The following FBXL16 variants were observed in gnomAD, a reference collection of about 807,000 sequenced individuals.
FBXL16 encodes the protein F-box/LRR-repeat protein 16.
FBXL16 carries 7 observed loss-of-function variants against 36.7 expected under a neutral mutation model. The observed-to-expected ratio is 0.19, with a 90% CI of 0.11 to 0.36. The LOEUF is 0.36. FBXL16 is among the 10% of genes least tolerant of loss of function. The pLI, the probability that FBXL16 is intolerant of heterozygous loss-of-function variation, is 1.00. For missense variants in FBXL16, 463 were observed against 659.4 expected (o/e 0.70, Z 3.26); for synonymous variants, 355 against 308.7 (o/e 1.15, Z -1.57).
chr16:694,824 GGCTGGGAAGTGCTCGTGGGGGCC>G, intron 4 of FBXL16, 127 bp from the exon 5 acceptor site: 1 of 1,293,866 alleles, frequency 7.7e-7, no homozygotes, highest in Non-Finnish European at 1.1e-6. Flanking sequence ...GCCGGGAGGC[GGCTGGGAAGTGCTCGTGGGGGCC>G]GCCGGGACCC....
chr16:695,894 C>T lies in FBXL16; in HGVS notation c.663G>A (p.Val221=), dbSNP rs775511332. ...CGTTGCAGCCCGACAGCTCCAGACG[C>T]ACCACGCCCTGCATCTGTTCAAGCA... ...EVMLEQMQGV[V]RLELSGCNDF... is the part of the protein sequence containing the mutation. Residue 221 remains valine, a synonymous_variant, in exon 3 of 6, where the codon GTG becomes GTA. Coordinates refer to ENST00000397621, the MANE Select transcript of FBXL16 (RefSeq NM_153350.4). 6.9e-6 allele frequency: 11 copies of T among 1,596,716 alleles called. No homozygotes were observed. In the East Asian group the frequency reaches 1.8e-4, roughly 26 times the overall value.
In FBXL16 at chr16:697,052, G is replaced by A; in HGVS notation, c.354C>T (p.Ala118=). ...CGCGCCGCCAGGCCTTGCACACCTGGGCCAGCACACACTTCTCGCAGGCCG... is the reference window on the plus strand; with the variant it reads ...CGCGCCGCCAGGCCTTGCACACCTGAGCCAGCACACACTTCTCGCAGGCCG... ...YFSACEKCVL[A]QVCKAWRRVL... is the part of the protein sequence containing the mutation. Residue 118 remains alanine, a synonymous_variant, in exon 2 of 6, where the codon GCC becomes GCT. Transcript: ENST00000397621. The surrounding 1 kb of genome is among the most constrained non-coding windows in gnomAD (Gnocchi z 4.6). 6.2e-7 allele frequency: 1 copy of A among 1,603,164 alleles called. No individual in the cohort carries two copies. The highest frequency in any genetic ancestry group is 8.5e-7 in the Non-Finnish European group (1 of 1,174,838).
rs954595932 is a variant in FBXL16 at position 694,103 on chromosome 16, G to A, written c.*172C>T. ...CTGCCCGGGGCGGGGCTGGGAGGGC[G>A]GAGGGACCGAAGGTCGGGGAGGGGC... On this transcript the variant is annotated 3_prime_UTR_variant, in exon 6 of 6. Transcript: ENST00000397621. 6.7e-5 allele frequency: 22 copies of A among 330,176 alleles called. No individual in the cohort carries two copies. Among genetic ancestry groups the A allele is most frequent in the African/African-American group, 4.6e-4 (21 of 45,658 alleles). 20.5% of individuals were successfully genotyped at this position (330,176 alleles called of 1,614,324 possible).
Position 694,180 on chromosome 16 carries a change from C to T in FBXL16, c.*95G>A, listed in dbSNP as rs1482714174. 5.4e-6 allele frequency: 5 copies of T among 917,778 alleles called. No individual in the cohort carries two copies. Among genetic ancestry groups the T allele is most frequent in the Non-Finnish European group, 7.1e-6 (5 of 701,974 alleles). 56.9% of individuals were successfully genotyped at this position (917,778 alleles called of 1,614,324 possible). On this transcript the variant is annotated 3_prime_UTR_variant, in exon 6 of 6. Transcript: ENST00000397621. ...CGCTGGGCCGGGGGCGCGGGGGCTC[C>T]CCCGAGCGCAAGGCGGGAAGAGGGG...
rs1469294136 is a variant in FBXL16, at chr16:695,042, G to A, written c.1177C>T (p.Leu393=). 3.1e-6 allele frequency: 5 copies of A among 1,592,412 alleles called. No individual in the cohort carries two copies. The highest frequency in any genetic ancestry group is 4.3e-6 in the Non-Finnish European group (5 of 1,166,892). The change falls in exon 4 of 6, where the codon CTG becomes TTG. Residue 393 remains leucine, a synonymous_variant. Transcript: ENST00000397621. ...CTGCGGAGGGACGACATGGTGGACA[G>A]ATAGCTGAGGCCAGTGTCCGTGATG... The part of the protein sequence containing the change: ...VRITDTGLSY[L]STMSSLRSLY...
intron 3 of FBXL16, 153 bp downstream of exon 3, chr16:695,262 C>G: frequency 8.5e-7 from 1 of 1,172,282 alleles, no homozygotes; most frequent in Admixed American, 2.8e-5. Context: ...TTCTGCGGTT[C>G]CCACTCCCCA....
At chr16:698,925 A>G (rs2040035969) in intron 1 of FBXL16, among the ~76,000 whole-genome samples, 1 of 137,452 alleles carries the variant, frequency 7.3e-6, no homozygotes, top group Non-Finnish European at 1.6e-5. Context: ...AAAAAAAAAA[A>G]AAAAAAAGAA....
rs549734833 is a variant in FBXL16, at chr16:698,069, T to G, written c.-14-650A>C. Among the ~76,000 whole-genome samples, 489 of 152,002 alleles carry G rather than the reference T, an allele frequency of 3.2e-3. 4 individuals carry two copies. Among genetic ancestry groups the G allele is most frequent in the Non-Finnish European group, 5.6e-3 (384 of 67,990 alleles). On this transcript the variant is annotated intron_variant, in intron 1 of 5. Transcript: ENST00000397621. ...CAGACTGGAGTGCAGAGACAGGATC[T>G]TGGCTCCCCGCAACCTCTCTGCCTC...
In FBXL16 at chr16:695,937, G is replaced by C. The variant is rs1567297999; in HGVS notation, c.634-14C>G. 6.4e-7 allele frequency: 1 copy of C among 1,565,268 alleles called. No individual in the cohort carries two copies. The highest frequency in any genetic ancestry group is 8.7e-7 in the Non-Finnish European group (1 of 1,151,176). ...TTCAAGCATAACCTGCAGGCGGGCG[G>C]GCGCCGGGTCAGGATTGCAGGAGAA... On this transcript the variant is annotated splice_polypyrimidine_tract_variant and intron_variant, in intron 2 of 5. Transcript: ENST00000397621.
At chr16:703,020 T>G (rs1319657539) in intron 1 of FBXL16, among the ~76,000 whole-genome samples, 1 of 152,198 alleles carries the variant, frequency 6.6e-6, no homozygotes, top group Non-Finnish European at 1.5e-5. Flanking sequence ...AAGCAGAGCT[T>G]GCAGACGGAT....
In FBXL16 at chr16:695,357, C is replaced by T. The variant is rs534985364; in HGVS notation, c.1142+58G>A. The T allele has an allele frequency of 7.3e-4, 876 of 1,204,398 alleles. 8 individuals are homozygous for T. The African/African-American group carries it at 0.013, about 18-fold the overall frequency. 74.6% of individuals were successfully genotyped at this position (1,204,398 alleles called of 1,614,324 possible). ...CGGCCCCGTGCAGCCCCGCCCCGCC[C>T]CGCCCCGTGCAGCCCCGCCCGGCCC... On this transcript the variant is annotated intron_variant, in intron 3 of 5. Transcript: ENST00000397621.
intron 1 of FBXL16, among the ~76,000 whole-genome samples, chr16:701,012 G>A (rs1006591005): frequency 6.6e-5 from 10 of 152,198 alleles, no homozygotes; most frequent in African/African-American, 1.9e-4. Flanking sequence ...GCGCAGTGCC[G>A]ATTTAGGTTG....
In FBXL16 at chr16:697,057, G is replaced by A. The variant is rs1157109135; in HGVS notation, c.349C>T (p.Leu117=). ...WYFSACEKCV[L]AQVCKAWRRV... is the part of the protein sequence containing the mutation. ...CGCCAGGCCTTGCACACCTGGGCCA[G>A]CACACACTTCTCGCAGGCCGAGAAA... The change falls in exon 2 of 6, where the codon CTG becomes TTG. Residue 117 remains leucine, a synonymous_variant. Transcript: ENST00000397621. This position sits in a 1 kb window ranked among gnomAD's most constrained non-coding sequence, Gnocchi z 4.6. 1 of 1,603,860 alleles carries A rather than the reference G, an allele frequency of 6.2e-7. No individual in the cohort carries two copies.
Position 694,298 on chromosome 16 carries a change from G to A in FBXL16, c.1417C>T (p.Pro473Ser). 4.1e-6 allele frequency: 6 copies of A among 1,455,296 alleles called. No individual in the cohort carries two copies. The highest frequency in any genetic ancestry group is 5.4e-6 in the Non-Finnish European group (6 of 1,103,420). The allele number at this position is 1,455,296 out of a possible 1,614,324, so 90.1% of individuals were successfully genotyped here. The change falls in exon 6 of 6, where the codon CCC (proline) becomes TCC (serine). Residue 473 changes from proline (P) to serine (S), a missense_variant. Around this residue, in one of 3 missense-constraint regions of FBXL16, gnomAD observed 134 missense variants for 172.0 expected, o/e 0.78. Coordinates refer to ENST00000397621, the MANE Select transcript of FBXL16 (RefSeq NM_153350.4). ...ELFKYFSQHL[P>S]RCLVIE ...CGCTACTCAATGACGAGGCAGCGGG[G>A]CAGGTGCTGCGAGAAATACTTGAAG...
rs749615140 is a variant in FBXL16 at position 692,668 on chromosome 16, T to G, written c.*1607A>C. ...GGGGTTGGTTGGTTTTGTTTTCCTC[T>G]CTCCCCTTAATTTTTCCTCCTACAG... On this transcript the variant is annotated 3_prime_UTR_variant, in exon 6 of 6. Coordinates refer to ENST00000397621, the MANE Select transcript of FBXL16 (RefSeq NM_153350.4). 6.6e-6 allele frequency: 1 copy of G among 152,578 alleles called. No individual in the cohort carries two copies. The highest frequency in any genetic ancestry group is 1.5e-5 in the Non-Finnish European group (1 of 68,040). 9.5% of individuals were successfully genotyped at this position (152,578 alleles called of 1,614,324 possible). A position where few individuals can be genotyped will look rare whatever the true frequency, so the allele number is the denominator to read the frequency against.
At position 696,784 on chromosome 16, in the gene FBXL16, C is replaced by T. The variant is rs757114798; in HGVS notation, c.622G>A (p.Ala208Thr). ...AGCCTGGTGCACACCTCGAGGCCTG[C>T]GTCCGTGATGGTGGAGCGCTTGAGG... Reference protein sequence around the residue: ...MSLKRSTITDAGLEVMLEQMQ... With the variant: ...MSLKRSTITDTGLEVMLEQMQ... Residue 208 changes from alanine to threonine, a missense_variant, in exon 2 of 6, where the codon GCA (alanine) becomes ACA (threonine). By Grantham distance (58) the Ala-to-Thr change is moderately conservative (BLOSUM62 0). Coordinates refer to ENST00000397621, the MANE Select transcript of FBXL16 (RefSeq NM_153350.4). 5 of 1,372,734 alleles carry T rather than the reference C, an allele frequency of 3.6e-6. No homozygotes were observed. Among genetic ancestry groups the T allele is most frequent in the African/African-American group, 3.0e-5 (2 of 66,588 alleles). The allele number at this position is 1,372,734 out of a possible 1,614,324, so 85.0% of individuals were successfully genotyped here. A position where few individuals can be genotyped will look rare whatever the true frequency, so the allele number is the denominator to read the frequency against.
Position 697,366 on chromosome 16 carries a change from A to C in FBXL16, c.40T>G (p.Cys14Gly). Residue 14 changes from cysteine to glycine, a missense_variant, in exon 2 of 6, where the codon TGC (cysteine) becomes GGC (glycine). This residue lies in a region of FBXL16 where 263 missense variants were observed against 341.1 expected (regional missense o/e 0.77). Coordinates refer to ENST00000397621, the MANE Select transcript of FBXL16 (RefSeq NM_153350.4). The surrounding 1 kb of genome is among the most constrained non-coding windows in gnomAD (Gnocchi z 4.6). ...PGIDGDPKPPCLPRNGLVKLP... is the reference protein window; with the variant it reads ...PGIDGDPKPPGLPRNGLVKLP... Reference sequence around the variant, plus strand: ...TTCACCAGACCGTTTCGAGGCAAGCATGGAGGCTTGGGGTCGCCGTCGATG... The same window carrying C: ...TTCACCAGACCGTTTCGAGGCAAGCCTGGAGGCTTGGGGTCGCCGTCGATG... 5.9e-6 allele frequency: 9 copies of C among 1,537,152 alleles called. No individual in the cohort carries two copies. In the East Asian group the frequency reaches 2.2e-4, roughly 38 times the overall value.
At chr16:702,265 G>A (rs569296567) in intron 1 of FBXL16, among the ~76,000 whole-genome samples, 24 of 152,194 alleles carry the variant, frequency 1.6e-4, no homozygotes, top group East Asian at 1.9e-4. Flanking sequence ...GGCACACGCC[G>A]TTCCCCCTGC....
intron 1 of FBXL16, among the ~76,000 whole-genome samples, chr16:698,167 C>T (rs576173123): frequency 2.0e-5 from 3 of 152,072 alleles, no homozygotes; most frequent in Admixed American, 6.5e-5. Flanking sequence ...CCACACCCGG[C>T]TAATTTTGTA....
Sources: gnomAD v4.1 joint callset for allele counts (sites outside exome capture counted in the v4.1 genomes callset) on GRCh38, gnomAD v4.1.1 for gene constraint, gnomAD v4.1.1 regional missense constraint, Gnocchi (gnomAD v3.1) non-coding constraint, MANE v1.5 for transcripts, NCBI Gene and HGNC (gene_info 2026-07-23, HGNC 2026-07-21) for gene names.